Variants in DMD observed in about 807,000 individuals in gnomAD.
The protein encoded by DMD is mutant dystrophin.
Under a neutral mutation model 330.1 loss-of-function variants are expected in DMD, and 63 were observed. The observed-to-expected ratio is 0.19, with a 90% CI of 0.16 to 0.24. The LOEUF (loss-of-function observed/expected upper bound fraction) is 0.24. Ranked by LOEUF, DMD falls within the 10% of genes least tolerant of loss-of-function variation. DMD has a pLI of 1.00. For synonymous variants in DMD, 1,223 were observed against 959.8 expected (o/e 1.27, Z -5.07); for missense variants, 3,344 against 2,684.1 (o/e 1.25, Z -5.43).
rs773334382 is a variant in DMD, at chrX:31,742,528, G to A, written c.7543-12780C>T. Among the ~76,000 whole-genome samples, 5 of 111,860 alleles carry A rather than the reference G, an allele frequency of 4.5e-5. No homozygotes were observed. The South Asian group carries it at 1.5e-3, about 34-fold the overall frequency. On this transcript the variant is annotated intron_variant, in intron 51 of 78. Coordinates refer to ENST00000357033, the MANE Select transcript of DMD (RefSeq NM_004006.3). The stretch of plus-strand genomic sequence containing the variant: ...AGAGATGAGGGAATGGCTGATCAGT[G>A]GAGTAGCCAGAACACACAAAACATT...
intron 55 of DMD, among the ~76,000 whole-genome samples, chrX:31,535,675 G>A (rs1427814563): frequency 8.9e-6 from 1 of 111,746 alleles, no homozygotes; most frequent in Non-Finnish European, 1.9e-5. Flanking sequence ...CTGTATGATT[G>A]TTTTAGCCAC....
chrX:31,956,910 A>G (rs373488670), intron 45 of DMD, among the ~76,000 whole-genome samples: 2 of 112,235 alleles, frequency 1.8e-5, no homozygotes, highest in African/African-American at 6.5e-5. Flanking sequence ...CTGATGGGGG[A>G]AGTTCAGTTT....
chrX:31,816,670 G>A (rs905543743), intron 50 of DMD, among the ~76,000 whole-genome samples: 79 of 108,319 alleles, frequency 7.3e-4, no homozygotes, highest in African/African-American at 2.5e-3. Context: ...ATGGTGGTGC[G>A]CACCTGTATC....
At chrX:31,659,957 TCAAA>T (rs958955598) in intron 53 of DMD, among the ~76,000 whole-genome samples, 3 of 112,092 alleles carry the variant, frequency 2.7e-5, no homozygotes, top group East Asian at 2.8e-4. Context: ...AGAATAAAAA[TCAAA>T]CAGTGTTCTT....
chrX:31,717,702 G>C lies in DMD; in HGVS notation c.7660+11929C>G, dbSNP rs750622581. ...CACTTGATGTTCACATTTTCAGGTTGACTGGGTTTTATCACTTCATGGCAC... is the reference window on the plus strand; with the variant it reads ...CACTTGATGTTCACATTTTCAGGTTCACTGGGTTTTATCACTTCATGGCAC... On this transcript the variant is annotated intron_variant, in intron 52 of 78. Transcript: ENST00000357033. 3.2e-4 allele frequency among the ~76,000 whole-genome samples: 36 copies of C among 112,405 alleles called. No individual in the cohort carries two copies. The Middle Eastern group carries it at 0.014, about 43-fold the overall frequency.
At chrX:32,833,951 T>C (rs1353153215) in intron 4 of DMD, among the ~76,000 whole-genome samples, 1 of 110,877 alleles carries the variant, frequency 9.0e-6, no homozygotes, top group Non-Finnish European at 1.9e-5. Context: ...CCCAGAAAAT[T>C]ATTTTAAATG....
At chrX:33,309,346 A>G (rs1322589851) in intron 1 of DMD, among the ~76,000 whole-genome samples, 2 of 111,757 alleles carry the variant, frequency 1.8e-5, no homozygotes, top group Non-Finnish European at 3.8e-5. Flanking sequence ...AACACATATT[A>G]CATATCTAGC....
intron 11 of DMD, among the ~76,000 whole-genome samples, chrX:32,627,521 G>A (rs932317257): frequency 1.2e-4 from 12 of 97,888 alleles, no homozygotes; most frequent in Admixed American, 2.0e-4. Flanking sequence ...TATTGATTCA[G>A]CAACTGATAT....
chrX:31,397,787 C>G (rs1173100334), intron 60 of DMD, among the ~76,000 whole-genome samples: 1 of 111,811 alleles, frequency 8.9e-6, no homozygotes, highest in African/African-American at 3.3e-5. Flanking sequence ...AGATCCCCAA[C>G]GGAGATGTGA....
chrX:32,199,283 G>C (rs1403484322), intron 44 of DMD, among the ~76,000 whole-genome samples: 2 of 111,793 alleles, frequency 1.8e-5, no homozygotes, highest in Non-Finnish European at 3.8e-5. Flanking sequence ...AGTTCAGCTA[G>C]GGGTTGGACC....
intron 11 of DMD, 25 bp downstream of exon 11, chrX:32,644,107 T>C (rs750126484): frequency 7.7e-6 from 9 of 1,170,173 alleles, no homozygotes; most frequent in Non-Finnish European, 1.0e-5. Flanking sequence ...TTAGTCTTCT[T>C]AATTAAAAAC....
At chrX:32,683,996 AACACACACACACACACATACATACAC>A (rs1310140010) in intron 9 of DMD, among the ~76,000 whole-genome samples, 2,005 of 100,483 alleles carry the variant, frequency 0.02, 49 homozygotes, top group African/African-American at 0.069. Flanking sequence ...GCACATACAA[AACACACACACACACACATACATACAC>A]ACACACACAC....
intron 64 of DMD, among the ~76,000 whole-genome samples, chrX:31,219,856 A>ACACACACACACACACACACT (rs1269593267): frequency 9.0e-6 from 1 of 110,987 alleles, no homozygotes; most frequent in East Asian, 2.8e-4. Flanking sequence ...ACACACACAC[A>ACACACACACACACACACACT]CTTATATACA....
chrX:31,857,380 GAAAAAAAAAA>G lies in DMD; in HGVS notation c.7098+17798_7098+17807del, dbSNP rs57685055. ...GGTGATGGAGCAAGACTCCACCTCGGAAAAAAAAAAAAAAAAAAAAAAAAAAAAAGAGAAT... is the reference window on the plus strand; with the variant it reads ...GGTGATGGAGCAAGACTCCACCTCGGAAAAAAAAAAAAAAAAAAAGAGAAT... On this transcript the variant is annotated intron_variant, in intron 48 of 78. Coordinates refer to ENST00000357033, the MANE Select transcript of DMD (RefSeq NM_004006.3). 6.0e-3 allele frequency among the ~76,000 whole-genome samples: 220 copies of G among 36,766 alleles called. 1 individual carries two copies. Among genetic ancestry groups the G allele is most frequent in the Non-Finnish European group, 8.1e-3 (177 of 21,812 alleles). 31.9% of individuals were successfully genotyped at this position (36,766 alleles called of 115,157 possible). A position where few individuals can be genotyped will look rare whatever the true frequency, so the allele number is the denominator to read the frequency against.
chrX:31,737,771 T>A (rs2086983387), intron 51 of DMD, among the ~76,000 whole-genome samples: 1 of 111,606 alleles, frequency 9.0e-6, no homozygotes, highest in Non-Finnish European at 1.9e-5. Context: ...AATGACCACA[T>A]ATGGGAATTC....
intron 54 of DMD, among the ~76,000 whole-genome samples, chrX:31,656,516 A>G (rs773010856): frequency 4.5e-5 from 5 of 111,508 alleles, no homozygotes; most frequent in Non-Finnish European, 9.4e-5. Flanking sequence ...TATATTACCT[A>G]AACTCATCAA....
chrX:32,326,290 AAC>A (rs1271394027), intron 41 of DMD, among the ~76,000 whole-genome samples: 1 of 112,617 alleles, frequency 8.9e-6, no homozygotes, highest in East Asian at 2.8e-4. Flanking sequence ...CAGTTAAAAA[AAC>A]ACAACTTTAG....
intron 50 of DMD, among the ~76,000 whole-genome samples, chrX:31,774,996 C>T (rs1484761899): frequency 9.0e-6 from 1 of 111,368 alleles, no homozygotes; most frequent in Non-Finnish European, 1.9e-5. Context: ...CTGTTCTCTG[C>T]CCTAGGAACT....
chrX:32,823,828 G>A (rs2078479511), intron 4 of DMD, among the ~76,000 whole-genome samples: 1 of 111,239 alleles, frequency 9.0e-6, no homozygotes, highest in African/African-American at 3.3e-5. Flanking sequence ...ATAAACAATG[G>A]AGCAAACTGC....
Sources: gnomAD v4.1 joint callset for allele counts (sites outside exome capture counted in the v4.1 genomes callset) on GRCh38, gnomAD v4.1.1 for gene constraint, MANE v1.5 for transcripts, NCBI Gene and HGNC (gene_info 2026-07-23, HGNC 2026-07-21) for gene names.